The following POU2F3 variants were observed in gnomAD, a reference collection of about 807,000 sequenced individuals.
POU2F3 encodes POU domain, class 2, transcription factor 3.
Under a neutral mutation model 59.2 loss-of-function variants are expected in POU2F3, and 23 were observed. The observed-to-expected ratio is 0.39, with a 90% confidence interval of 0.28 to 0.55. POU2F3 has a LOEUF of 0.55. Among genes scored for constraint, POU2F3 ranks in the 20% least tolerant of loss-of-function variants. The pLI is 0.66. For missense variants in POU2F3, 473 were observed against 544.5 expected, an observed-to-expected ratio of 0.87 and a Z score of 1.31; for synonymous variants, 190 against 214.6, an observed-to-expected ratio of 0.89 and a Z score of 1.00.
intron 2 of POU2F3, among the ~76,000 whole-genome samples, chr11:120,262,253 A>G (rs1939629455): frequency 6.6e-6 from 1 of 152,238 alleles, no homozygotes; most frequent in Non-Finnish European, 1.5e-5. Context: ...CATATCCATC[A>G]TCTGGATTCA....
intron 2 of POU2F3, among the ~76,000 whole-genome samples, chr11:120,255,739 C>G (rs997676635): frequency 2.0e-5 from 3 of 152,058 alleles, no homozygotes; most frequent in Non-Finnish European, 4.4e-5. Flanking sequence ...ACTTCTGCCT[C>G]ACAGGAGAGC....
At chr11:120,280,662 G>C (rs1940529578) in intron 3 of POU2F3, among the ~76,000 whole-genome samples, 1 of 152,150 alleles carries the variant, frequency 6.6e-6, no homozygotes, top group South Asian at 2.1e-4. Context: ...GTTTGTGTGT[G>C]TGCACTCCTG....
intron 2 of POU2F3, among the ~76,000 whole-genome samples, chr11:120,252,485 G>A (rs1446443779): frequency 6.6e-6 from 1 of 152,196 alleles, no homozygotes; most frequent in Non-Finnish European, 1.5e-5. Flanking sequence ...TGGGATTACA[G>A]GCATGAGCCT....
chr11:120,309,635 T>A, intron 10 of POU2F3, 49 bp downstream of exon 10: 1 of 1,583,254 alleles, frequency 6.3e-7, no homozygotes, highest in Non-Finnish European at 8.7e-7. Flanking sequence ...AGGGACATGA[T>A]GCTTGGAGGG....
At chr11:120,305,422 C>A in intron 7 of POU2F3, 2 of 889,386 alleles carry the variant, frequency 2.2e-6, no homozygotes, top group Non-Finnish European at 1.7e-6. Context: ...GGAAAAGGGG[C>A]TGGCTCTCCT....
At chr11:120,241,119 C>T (rs1457769474) in intron 1 of POU2F3, among the ~76,000 whole-genome samples, 2 of 152,190 alleles carry the variant, frequency 1.3e-5, no homozygotes, top group Non-Finnish European at 2.9e-5. Flanking sequence ...GCCAGGCAGC[C>T]AGGTTGGGCT....
At chr11:120,246,018 A>G (rs778357928) in intron 1 of POU2F3, among the ~76,000 whole-genome samples, 8 of 152,292 alleles carry the variant, frequency 5.3e-5, no homozygotes, top group Non-Finnish European at 1.0e-4. Context: ...ATTAAGGGAA[A>G]CAGAGCTGGG....
At chr11:120,306,481 A>G (rs945132215) in intron 8 of POU2F3, among the ~76,000 whole-genome samples, 10 of 152,112 alleles carry the variant, frequency 6.6e-5, no homozygotes, top group African/African-American at 2.4e-4. Flanking sequence ...TGGCCTATGC[A>G]TTGCAGGATG....
At chr11:120,289,810 C>G (rs1410169074) in intron 3 of POU2F3, among the ~76,000 whole-genome samples, 2 of 152,188 alleles carry the variant, frequency 1.3e-5, no homozygotes, top group African/African-American at 2.4e-5. Context: ...TAGCTATTCT[C>G]CTCCCTGACA....
At chr11:120,277,457 C>T (rs987003533) in intron 3 of POU2F3, among the ~76,000 whole-genome samples, 1 of 151,638 alleles carries the variant, frequency 6.6e-6, no homozygotes, top group African/African-American at 2.4e-5. Flanking sequence ...CTGTAAAACC[C>T]CTTTAATATC....
chr11:120,263,134 G>A (rs1484055947), intron 2 of POU2F3, among the ~76,000 whole-genome samples: 1 of 152,070 alleles, frequency 6.6e-6, no homozygotes, highest in Non-Finnish European at 1.5e-5. Flanking sequence ...TGAGATTACA[G>A]GCATGTGCCA....
At position 120,306,854 on chromosome 11, in the gene POU2F3, C is replaced by T. The variant is rs759488996; in HGVS notation, c.770-625C>T. Among the ~76,000 whole-genome samples the T allele has an allele frequency of 6.7e-4, 102 of 152,270 alleles. 1 individual carries two copies. The highest frequency in any genetic ancestry group is 2.1e-3 in the African/African-American group (89 of 41,546). ...GCCTTTATGGAAGCACTGAAATGAG[C>T]GAAATGATCCGAAGGTCTTCGAATC... On this transcript the variant is annotated intron_variant, in intron 8 of 12. Transcript: ENST00000543440.
At chr11:120,313,723 C>T (rs1941712685) in intron 10 of POU2F3, among the ~76,000 whole-genome samples, 1 of 152,136 alleles carries the variant, frequency 6.6e-6, no homozygotes, top group Non-Finnish European at 1.5e-5. Context: ...TATTTAAAAA[C>T]AACAACAAAG....
intron 2 of POU2F3, among the ~76,000 whole-genome samples, chr11:120,260,723 C>T (rs1399991784): frequency 2.6e-5 from 4 of 152,080 alleles, no homozygotes; most frequent in South Asian, 2.1e-4. Context: ...GATATGCTGG[C>T]GTTGGGGGGT....
intron 2 of POU2F3, among the ~76,000 whole-genome samples, chr11:120,263,708 T>A (rs1164012984): frequency 6.6e-6 from 1 of 152,222 alleles, no homozygotes; most frequent in Admixed American, 6.5e-5. Context: ...TGTTTTCCCC[T>A]CTGAGGTTAG....
Position 120,298,302 on chromosome 11 carries a change from C to A in POU2F3, c.170C>A (p.Thr57Asn). The A allele has an allele frequency of 1.2e-6, 2 of 1,613,726 alleles. No homozygotes were observed. Among genetic ancestry groups the A allele is most frequent in the Non-Finnish European group, 1.7e-6 (2 of 1,179,780 alleles). ...GATCTCAGTGACTCCCTGCAGCAGA[C>A]CCTCTCCCATCGGCCATGCCACCTG... is the stretch of plus-strand genomic sequence containing the variant. ...TEDLSDSLQQ[T>N]LSHRPCHLSQ... The change falls in exon 4 of 13, where the codon ACC (threonine) becomes AAC (asparagine). Residue 57 changes from threonine (T) to asparagine (N), a missense_variant. Physicochemically the swap from Thr to Asn is moderately conservative, Grantham distance 65. Coordinates refer to ENST00000543440, the MANE Select transcript of POU2F3 (RefSeq NM_014352.4).
Position 120,298,409 on chromosome 11 carries a change from C to T in POU2F3, c.258+19C>T. 1.2e-6 allele frequency: 2 copies of T among 1,612,802 alleles called. No individual in the cohort carries two copies. The highest frequency in any genetic ancestry group is 2.2e-5 in the East Asian group (1 of 44,862). ...ATGTCAGGTAACACTGTGATTTTCA[C>T]AGTGGGCCAGTGTGTTTAACCCAAT... On this transcript the variant is annotated intron_variant, in intron 4 of 12. Transcript: ENST00000543440.
chr11:120,240,399 C>A, intron 1 of POU2F3, 28 bp downstream of exon 1: 1 of 1,396,164 alleles, frequency 7.2e-7, no homozygotes, highest in Non-Finnish European at 9.4e-7. Context: ...TGAGCTCTGA[C>A]AGGTGTCACT....
At position 120,317,241 on chromosome 11, in the gene POU2F3, G is replaced by A. The variant is rs775084836; in HGVS notation, c.1148G>A (p.Cys383Tyr). Residue 383 changes from cysteine (C) to tyrosine (Y), a missense_variant, in exon 12 of 13, where the codon TGT (cysteine) becomes TAT (tyrosine). By Grantham distance (194) the Cys-to-Tyr change is radical. Transcript: ENST00000543440. ...STMPGTVTSS[C>Y]SPGNNSRPSS... is the part of the protein sequence containing the mutation. Reference sequence around the variant, plus strand: ...TCCTTATCCTCAGTAACGTCATCCTGTTCCCCTGGGAACAACAGCAGGCCT... The same window carrying A: ...TCCTTATCCTCAGTAACGTCATCCTATTCCCCTGGGAACAACAGCAGGCCT... The A allele has an allele frequency of 6.2e-7, 1 of 1,614,138 alleles. No homozygotes were observed.
Sources: gnomAD v4.1 joint callset for allele counts (sites outside exome capture counted in the v4.1 genomes callset) on GRCh38, gnomAD v4.1.1 for gene constraint, MANE v1.5 for transcripts, NCBI Gene and HGNC (gene_info 2026-07-23, HGNC 2026-07-21) for gene names.